The following DPYD variants were observed in gnomAD, a reference collection of about 807,000 sequenced individuals.
DPYD encodes the protein dihydropyrimidine dehydrogenase.
A neutral mutation model predicts 116.2 loss-of-function variants in DPYD; 109 were observed. That is an observed-to-expected ratio of 0.94 (90% CI 0.80 to 1.10). DPYD has a LOEUF of 1.10. Among genes scored for constraint, DPYD ranks in the 50% least tolerant of loss-of-function variants. The pLI is 0.00. For missense variants in DPYD, 1,302 were observed against 1,254.5 expected (o/e 1.04, Z -0.57); for synonymous variants, 440 against 432.0 (o/e 1.02, Z -0.23).
chr1:97,231,753 C>G (rs1006291297), intron 19 of DPYD, among the ~76,000 whole-genome samples: 1 of 152,154 alleles, frequency 6.6e-6, no homozygotes, highest in Admixed American at 6.5e-5. Flanking sequence ...ATTTCACTCT[C>G]AAGTAGGTTG....
chr1:97,407,196 C>T (rs1203482934), intron 14 of DPYD, among the ~76,000 whole-genome samples: 1 of 152,016 alleles, frequency 6.6e-6, no homozygotes, highest in Non-Finnish European at 1.5e-5. Flanking sequence ...ATAATGAAAA[C>T]TCTTAAAATA....
chr1:97,836,313 A>G (rs1315476631), intron 2 of DPYD, among the ~76,000 whole-genome samples: 2 of 152,174 alleles, frequency 1.3e-5, no homozygotes, highest in Admixed American at 6.5e-5. Context: ...CATTTACTCA[A>G]TCCAGTGATT....
intron 13 of DPYD, among the ~76,000 whole-genome samples, chr1:97,473,956 G>A (rs1007565473): frequency 1.1e-4 from 16 of 148,330 alleles, no homozygotes; most frequent in African/African-American, 3.5e-4. Flanking sequence ...AGGCTTCAGC[G>A]AGCCATGATC....
In DPYD at chr1:97,327,621, C is replaced by A. The variant is rs548191316; in HGVS notation, c.2059-21324G>T. Among the ~76,000 whole-genome samples the A allele has an allele frequency of 2.6e-5, 4 of 152,020 alleles. No individual in the cohort carries two copies. The South Asian group carries it at 8.3e-4, about 32-fold the overall frequency. On this transcript the variant is annotated intron_variant, in intron 16 of 22. Coordinates refer to ENST00000370192, the MANE Select transcript of DPYD (RefSeq NM_000110.4). ...ACTGTACTCAAAATTTAATGCTTAT[C>A]ATTTTTAGTTATATATCCTTCATTT... is the stretch of plus-strand genomic sequence containing the variant.
intron 14 of DPYD, among the ~76,000 whole-genome samples, chr1:97,395,464 A>G (rs904580012): frequency 2.6e-5 from 4 of 152,154 alleles, no homozygotes; most frequent in African/African-American, 9.6e-5. Flanking sequence ...GGTCAAGTTA[A>G]TCAATAGCAA....
chr1:97,550,995 C>G (rs1651277896), intron 11 of DPYD, among the ~76,000 whole-genome samples: 2 of 152,068 alleles, frequency 1.3e-5, no homozygotes, highest in Admixed American at 1.3e-4. Flanking sequence ...GTTTTTCCCA[C>G]AAGATCATAG....
chr1:97,362,100 G>T (rs568945440), intron 16 of DPYD, among the ~76,000 whole-genome samples: 1 of 152,348 alleles, frequency 6.6e-6, no homozygotes, highest in Non-Finnish European at 1.5e-5. Flanking sequence ...AGCAACTTCA[G>T]CAAAGTCTCA....
chr1:97,719,685 C>A, intron 5 of DPYD: 1 of 984,378 alleles, frequency 1.0e-6, no homozygotes, highest in Non-Finnish European at 1.2e-6. Flanking sequence ...ACACACTGAC[C>A]TAGGGAATAC....
At chr1:97,315,351 T>C (rs1467840004) in intron 16 of DPYD, among the ~76,000 whole-genome samples, 2 of 151,970 alleles carry the variant, frequency 1.3e-5, no homozygotes, top group East Asian at 2.0e-4. Context: ...CTATTTCCGG[T>C]GAATGTGGGA....
chr1:97,310,511 A>G (rs1667445303), intron 16 of DPYD, among the ~76,000 whole-genome samples: 2 of 151,854 alleles, frequency 1.3e-5, no homozygotes, highest in South Asian at 2.1e-4. Context: ...TTCTATGTCA[A>G]TAAAACAGGA....
intron 8 of DPYD, among the ~76,000 whole-genome samples, chr1:97,603,257 A>G (rs1655378891): frequency 1.3e-5 from 2 of 152,064 alleles, no homozygotes; most frequent in African/African-American, 2.4e-5. Flanking sequence ...CCCAAAGTAA[A>G]GAAATCATTA....
chr1:97,693,490 C>T (rs1303015846), intron 6 of DPYD, among the ~76,000 whole-genome samples: 1 of 151,946 alleles, frequency 6.6e-6, no homozygotes, highest in Non-Finnish European at 1.5e-5. Flanking sequence ...CTCAAGGTAA[C>T]AAGAATGTGC....
At chr1:97,566,032 C>T (rs1652495287) in intron 11 of DPYD, among the ~76,000 whole-genome samples, 1 of 152,086 alleles carries the variant, frequency 6.6e-6, no homozygotes, top group Admixed American at 6.5e-5. Context: ...GAGCAAATTG[C>T]ATAATCTCCC....
chr1:97,694,165 A>G (rs1359677449), intron 6 of DPYD, among the ~76,000 whole-genome samples: 3 of 152,206 alleles, frequency 2.0e-5, no homozygotes, highest in South Asian at 4.1e-4. Flanking sequence ...TGTTAAACGA[A>G]TAAGTGTGAG....
chr1:97,477,159 T>G (rs1171218568), intron 13 of DPYD, among the ~76,000 whole-genome samples: 1 of 152,216 alleles, frequency 6.6e-6, no homozygotes, highest in Non-Finnish European at 1.5e-5. Context: ...CTGTGTAACA[T>G]GCAATGCTAT....
intron 18 of DPYD, among the ~76,000 whole-genome samples, chr1:97,299,370 G>A (rs911830958): frequency 4.6e-5 from 7 of 152,008 alleles, no homozygotes; most frequent in African/African-American, 1.7e-4. Flanking sequence ...GAGTTCTTTG[G>A]TTTACAAAGT....
intron 20 of DPYD, among the ~76,000 whole-genome samples, chr1:97,176,836 C>T (rs1657295126): frequency 6.9e-6 from 1 of 144,686 alleles, no homozygotes; most frequent in South Asian, 2.2e-4. Flanking sequence ...AGAGATGGAA[C>T]AAGGGAATAC....
chr1:97,260,163 T>C (rs1303565610), intron 18 of DPYD, among the ~76,000 whole-genome samples: 1 of 152,138 alleles, frequency 6.6e-6, no homozygotes, highest in Non-Finnish European at 1.5e-5. Context: ...GTTTCAAGAA[T>C]GGCACTTGCT....
chr1:97,804,559 T>C (rs561825172), intron 3 of DPYD, among the ~76,000 whole-genome samples: 5 of 151,994 alleles, frequency 3.3e-5, no homozygotes, highest in South Asian at 2.1e-4. Context: ...CAGTATGTCA[T>C]TGATATTTAT....
Sources: allele counts gnomAD v4.1 joint callset (sites outside exome capture counted in the v4.1 genomes callset), GRCh38; gene constraint gnomAD v4.1.1; transcripts MANE v1.5; gene names NCBI Gene and HGNC (gene_info 2026-07-23, HGNC 2026-07-21).